DNAH12: variants seen among roughly 807,000 people sequenced by gnomAD.
DNAH12 encodes the protein dynein axonemal heavy chain 12, also known as axonemal beta dynein heavy chain 12.
DNAH12 carries 285 observed loss-of-function variants against 371.5 expected under a neutral mutation model. The observed-to-expected ratio is 0.77, with a 90% CI of 0.70 to 0.85. The LOEUF (loss-of-function observed/expected upper bound fraction) is 0.85, where lower values mean the gene tolerates loss of function less well. DNAH12 is among the 40% of genes least tolerant of loss of function. The pLI, the probability that DNAH12 is intolerant of heterozygous loss-of-function variation, is 0.00. For missense variants in DNAH12, 3,611 were observed against 3,689.4 expected, an observed-to-expected ratio of 0.98 and a Z score of 0.55; for synonymous variants, 1,200 against 1,213.0, an observed-to-expected ratio of 0.99 and a Z score of 0.22.
At chr3:57,438,330 A>C (rs1282216265) in intron 29 of DNAH12, among the ~76,000 whole-genome samples, 1 of 88,064 alleles carries the variant, frequency 1.1e-5, no homozygotes, top group Non-Finnish European at 2.6e-5. Context: ...AAAACAAACA[A>C]ACAAAAACAA....
chr3:57,502,365 G>GTACT lies in DNAH12; in HGVS notation c.1197_1200dup (p.His401SerfsTer13), dbSNP rs1354623718. On this transcript the variant is annotated frameshift_variant, in exon 10 of 74. Coordinates refer to ENST00000495027, the MANE Select transcript of DNAH12 (RefSeq NM_001366028.2). LOFTEE classifies it high-confidence loss of function. ...TTTCTTGCACCTTCTAAGTTCCGAT[G>GTACT]TACTGCTGCCTTCAGTGTATCAACA... 6.2e-7 allele frequency: 1 copy of GTACT among 1,614,128 alleles called. No individual in the cohort carries two copies. Among genetic ancestry groups the GTACT allele is most frequent in the Non-Finnish European group, 8.5e-7 (1 of 1,180,024 alleles).
At chr3:57,412,275 C>A (rs191121317) in intron 39 of DNAH12, among the ~76,000 whole-genome samples, 1 of 152,276 alleles carries the variant, frequency 6.6e-6, no homozygotes, top group East Asian at 1.9e-4. Context: ...TTGACCTATA[C>A]ACAATTTTAC....
chr3:57,327,195 C>T (rs566311015), intron 62 of DNAH12, among the ~76,000 whole-genome samples: 1 of 152,298 alleles, frequency 6.6e-6, no homozygotes, highest in South Asian at 2.1e-4. Flanking sequence ...GAACTCAGCT[C>T]TGCACCAATG....
chr3:57,336,012 G>A (rs1489877713), intron 60 of DNAH12, among the ~76,000 whole-genome samples: 1 of 152,116 alleles, frequency 6.6e-6, no homozygotes, highest in Non-Finnish European at 1.5e-5. Flanking sequence ...ATGGCGAACT[G>A]CTCTGTCATC....
At chr3:57,383,376 A>G (rs1042098582) in intron 49 of DNAH12, among the ~76,000 whole-genome samples, 8 of 151,960 alleles carry the variant, frequency 5.3e-5, no homozygotes, top group Non-Finnish European at 8.8e-5. Flanking sequence ...TAATGACCTA[A>G]ATTGGTGAGA....
At chr3:57,433,336 T>C in intron 32 of DNAH12, 31 bp downstream of exon 32, 1 of 1,538,162 alleles carries the variant, frequency 6.5e-7, no homozygotes, top group South Asian at 1.2e-5. Flanking sequence ...TAATCATGGC[T>C]GAATCTGCTT....
intron 69 of DNAH12, among the ~76,000 whole-genome samples, chr3:57,304,214 T>C (rs1433912690): frequency 4.6e-5 from 7 of 152,168 alleles, no homozygotes; most frequent in Non-Finnish European, 1.0e-4. Flanking sequence ...AAAAGCTTTA[T>C]TGCTCACAGA....
At chr3:57,488,851 G>T (rs1484241865) in intron 12 of DNAH12, among the ~76,000 whole-genome samples, 2 of 151,994 alleles carry the variant, frequency 1.3e-5, no homozygotes, top group Non-Finnish European at 1.5e-5. Flanking sequence ...TCTCTAAAAG[G>T]CAAAGTTGCT....
At chr3:57,470,088 G>T (rs1488179671) in intron 16 of DNAH12, among the ~76,000 whole-genome samples, 1 of 151,944 alleles carries the variant, frequency 6.6e-6, no homozygotes, top group Non-Finnish European at 1.5e-5. Flanking sequence ...ATTAAAAAGG[G>T]AATTGACTCT....
chr3:57,319,581 T>C (rs1250451997), intron 65 of DNAH12, among the ~76,000 whole-genome samples: 1 of 152,128 alleles, frequency 6.6e-6, no homozygotes, highest in Non-Finnish European at 1.5e-5. Flanking sequence ...TTTTTTGGTT[T>C]TGTTTTGTTT....
intron 43 of DNAH12, among the ~76,000 whole-genome samples, chr3:57,401,849 G>A (rs1353495974): frequency 6.6e-6 from 1 of 152,054 alleles, no homozygotes; most frequent in Non-Finnish European, 1.5e-5. Flanking sequence ...AAGAATTATA[G>A]GAGAATGATA....
chr3:57,513,988 A>G (rs749350828), intron 4 of DNAH12, among the ~76,000 whole-genome samples: 1 of 152,264 alleles, frequency 6.6e-6, no homozygotes, highest in Non-Finnish European at 1.5e-5. Flanking sequence ...AATACTGGAA[A>G]CATTTAAGAG....
intron 44 of DNAH12, among the ~76,000 whole-genome samples, chr3:57,393,641 AAAAAAAAAAAG>A (rs1366496339): frequency 4.2e-5 from 6 of 143,884 alleles, no homozygotes; most frequent in East Asian, 1.9e-4. Context: ...AAAAAAAAAA[AAAAAAAAAAAG>A]AAAGAAAGAA....
At chr3:57,332,587 T>C (rs28465421) in intron 62 of DNAH12, among the ~76,000 whole-genome samples, 11,355 of 152,230 alleles carry the variant, frequency 0.075, 1,386 homozygotes, top group African/African-American at 0.26. Flanking sequence ...CAATGCAGTG[T>C]CACTGAGTTG....
intron 46 of DNAH12, 127 bp downstream of exon 46, chr3:57,386,959 T>C (rs2063509987): frequency 6.6e-6 from 1 of 152,186 alleles, no homozygotes; most frequent in African/African-American, 2.4e-5. Flanking sequence ...ACCCAAGATA[T>C]CATGTAAACC....
rs1328220009 is a variant in DNAH12, at chr3:57,468,896, G to A, written c.2189C>T (p.Thr730Ile). 2 of 1,524,740 alleles carry A rather than the reference G, an allele frequency of 1.3e-6. No individual in the cohort carries two copies. The highest frequency in any genetic ancestry group is 1.8e-6 in the Non-Finnish European group (2 of 1,139,996). The allele number at this position is 1,524,740 out of a possible 1,614,324, so 94.5% of individuals were successfully genotyped here. A position where few individuals can be genotyped will look rare whatever the true frequency, so the allele number is the denominator to read the frequency against. The part of the protein sequence containing the change: ...VEEFSREIFK[T>I]LKFFQTKLKK... ...TAGCTTCGTTTGGAAAAATTTTAGT[G>A]TCTTAAAAATTTCTCGGGAAAACTC... Residue 730 changes from threonine (T) to isoleucine (I), a missense_variant, in exon 17 of 74, where the codon ACA (threonine) becomes ATA (isoleucine). By Grantham distance (89) the Thr-to-Ile change is moderately conservative (BLOSUM62 -1). This residue lies in a region of DNAH12 where 1,314 missense variants were observed against 1,398.7 expected (regional missense o/e 0.94). Coordinates refer to ENST00000495027, the MANE Select transcript of DNAH12 (RefSeq NM_001366028.2).
chr3:57,302,135 A>C (rs2061360344), intron 69 of DNAH12, among the ~76,000 whole-genome samples, 196 bp from the exon 70 acceptor site: 2 of 152,180 alleles, frequency 1.3e-5, no homozygotes, highest in Admixed American at 1.3e-4. Flanking sequence ...CATTACATAC[A>C]TATTTTAAAA....
chr3:57,488,922 A>G (rs1174802613), intron 12 of DNAH12, among the ~76,000 whole-genome samples: 1 of 149,370 alleles, frequency 6.7e-6, no homozygotes, highest in African/African-American at 2.5e-5. Flanking sequence ...TTTTCAAGAA[A>G]GGTAAGAAAT....
chr3:57,517,864 A>G (rs115954505), intron 4 of DNAH12, among the ~76,000 whole-genome samples: 3,146 of 152,060 alleles, frequency 0.021, 107 homozygotes, highest in African/African-American at 0.071. Context: ...TCTGGGCAAC[A>G]TGGGGAAACC....
Sources: allele counts gnomAD v4.1 joint callset (sites outside exome capture counted in the v4.1 genomes callset), GRCh38; gene constraint gnomAD v4.1.1; regional missense constraint gnomAD v4.1.1; transcripts MANE v1.5; gene names NCBI Gene and HGNC (gene_info 2026-07-23, HGNC 2026-07-21).